MED12L: variants seen among roughly 807,000 people sequenced by gnomAD.
The protein encoded by MED12L is mediator complex subunit 12L, also known as mediator of RNA polymerase II transcription subunit 12-like protein.
In MED12L, 60 loss-of-function variants were observed where a neutral mutation model predicts 281.3. That is an observed-to-expected ratio of 0.21 (90% CI 0.17 to 0.26). The LOEUF (loss-of-function observed/expected upper bound fraction) is 0.26, where lower values mean the gene tolerates loss of function less well. MED12L is among the 10% of genes least tolerant of loss of function. The pLI is 1.00. For synonymous variants in MED12L, 974 were observed against 987.2 expected, an observed-to-expected ratio of 0.99 and a Z score of 0.25; for missense variants, 2,146 against 2,680.9, an observed-to-expected ratio of 0.80 and a Z score of 4.41.
intron 16 of MED12L, among the ~76,000 whole-genome samples, chr3:151,264,699 G>A (rs1466544156): frequency 6.6e-6 from 1 of 152,178 alleles, no homozygotes; most frequent in East Asian, 1.9e-4. Context: ...ACCCCAGCCA[G>A]CTGCAAGAAG....
intron 16 of MED12L, among the ~76,000 whole-genome samples, chr3:151,222,949 C>T (rs372415042): frequency 6.6e-6 from 1 of 152,088 alleles, no homozygotes; most frequent in African/African-American, 2.4e-5. Flanking sequence ...TTTATGGTCT[C>T]TTGGAAATGT....
At chr3:151,180,481 C>T (rs1397152185) in intron 11 of MED12L, among the ~76,000 whole-genome samples, 1 of 152,144 alleles carries the variant, frequency 6.6e-6, no homozygotes, top group Non-Finnish European at 1.5e-5. Context: ...TTTTTGTTTC[C>T]CCATGCCTAC....
intron 16 of MED12L, among the ~76,000 whole-genome samples, chr3:151,290,114 A>T (rs1006856084): frequency 1.7e-4 from 26 of 152,120 alleles, no homozygotes; most frequent in African/African-American, 6.3e-4. Context: ...GATGGTCTTG[A>T]ACTCCTGACC....
Position 151,388,168 on chromosome 3 carries a change from T to C in MED12L, c.5447T>C (p.Val1816Ala), listed in dbSNP as rs747480183. Residue 1816 changes from valine (V) to alanine (A), a missense_variant, in exon 37 of 45, where the codon GTT becomes GCT. Val to Ala is a moderately conservative substitution (Grantham distance 64). Around this residue, in one of 9 missense-constraint regions of MED12L, gnomAD observed 496 missense variants for 512.0 expected, o/e 0.97. Coordinates refer to ENST00000687756, the MANE Select transcript of MED12L (RefSeq NM_001393769.1). ...CGCAAGACGAAATCTAGCTCAAGAGTTGATGTAAGTGGGGAAAGGAAGGAG... is the reference window on the plus strand; with the variant it reads ...CGCAAGACGAAATCTAGCTCAAGAGCTGATGTAAGTGGGGAAAGGAAGGAG... ...RKRKTKSSSR[V>A]DEYPQSNIYR... is the part of the protein sequence containing the mutation. 2 of 1,593,286 alleles carry C rather than the reference T, an allele frequency of 1.3e-6. No homozygotes were observed. Among genetic ancestry groups the C allele is most frequent in the Middle Eastern group, 1.7e-4 (1 of 6,010 alleles).
intron 8 of MED12L, among the ~76,000 whole-genome samples, chr3:151,162,879 T>G (rs1367994917): frequency 6.6e-6 from 1 of 152,210 alleles, no homozygotes; most frequent in East Asian, 1.9e-4. Flanking sequence ...ACGGTGACCT[T>G]GAGCCTCTGT....
intron 16 of MED12L, among the ~76,000 whole-genome samples, chr3:151,348,659 A>G (rs1401068516): frequency 6.6e-6 from 1 of 151,978 alleles, no homozygotes; most frequent in Non-Finnish European, 1.5e-5. Context: ...GGCAGGGCAT[A>G]TAAATGTTTA....
intron 16 of MED12L, among the ~76,000 whole-genome samples, chr3:151,221,045 A>G (rs1318986188): frequency 6.6e-6 from 1 of 152,212 alleles, no homozygotes; most frequent in African/African-American, 2.4e-5. Flanking sequence ...TCTCAGATGG[A>G]AATGAGGAAC....
At chr3:151,320,879 T>A (rs1245809904) in intron 16 of MED12L, among the ~76,000 whole-genome samples, 4 of 152,346 alleles carry the variant, frequency 2.6e-5, no homozygotes, top group African/African-American at 7.2e-5. Flanking sequence ...CAGCTTTTTT[T>A]ACTTTGGGCA....
chr3:151,166,031 T>C (rs1356682656), intron 11 of MED12L, 49 bp downstream of exon 11: 1 of 1,520,218 alleles, frequency 6.6e-7, no homozygotes, highest in Admixed American at 1.9e-5. Context: ...TCATAGTGTT[T>C]TTTTCTTCTT....
intron 7 of MED12L, 126 bp from the exon 8 acceptor site, chr3:151,159,706 C>T (rs1417277350): frequency 3.6e-6 from 3 of 836,666 alleles, no homozygotes; most frequent in Non-Finnish European, 5.5e-6. Flanking sequence ...TTCTATTGGA[C>T]AGCACTTGCT....
intron 8 of MED12L, among the ~76,000 whole-genome samples, chr3:151,161,548 A>G (rs894615045): frequency 3.9e-5 from 6 of 152,214 alleles, no homozygotes; most frequent in Non-Finnish European, 8.8e-5. Context: ...TTGTTGCCCA[A>G]AGATGATGAG....
intron 16 of MED12L, chr3:151,212,376 A>G (rs1326184920): frequency 2.0e-5 from 3 of 152,184 alleles, no homozygotes; most frequent in Non-Finnish European, 4.4e-5. Flanking sequence ...GCACTCATTA[A>G]TGTAAATTTT....
intron 17 of MED12L, among the ~76,000 whole-genome samples, chr3:151,353,863 C>T (rs1000097247): frequency 2.0e-5 from 3 of 152,000 alleles, no homozygotes; most frequent in African/African-American, 7.3e-5. Flanking sequence ...CAGTGCTGGC[C>T]GGGCGCGGTG....
In MED12L at chr3:151,390,000, T is replaced by G; in HGVS notation, c.5473T>G (p.Tyr1825Asp). ...GAAGGAATATCCACAGAGCAACATA[T>G]ACCGAGTGCCTCCTAATTACTCGCC... The part of the protein sequence containing the change: ...RVDEYPQSNI[Y>D]RVPPNYSPIS... Residue 1825 changes from tyrosine (Y) to aspartate (D), a missense_variant, in exon 38 of 45, where the codon TAC becomes GAC. Transcript: ENST00000687756. 6.2e-7 allele frequency: 1 copy of G among 1,614,136 alleles called. No homozygotes were observed. The highest frequency in any genetic ancestry group is 8.5e-7 in the Non-Finnish European group (1 of 1,179,972).
intron 26 of MED12L, among the ~76,000 whole-genome samples, chr3:151,371,381 C>T (rs1279298929): frequency 6.6e-6 from 1 of 152,184 alleles, no homozygotes; most frequent in Non-Finnish European, 1.5e-5. Flanking sequence ...AGAATTTAGT[C>T]TTTTCTTTCA....
intron 16 of MED12L, among the ~76,000 whole-genome samples, chr3:151,349,808 C>T (rs753317203): frequency 2.6e-5 from 4 of 151,440 alleles, no homozygotes; most frequent in Non-Finnish European, 4.4e-5. Flanking sequence ...TTGTAGGGTA[C>T]GCCCACATCA....
At chr3:151,266,094 C>A (rs1157432397) in intron 16 of MED12L, among the ~76,000 whole-genome samples, 2 of 152,134 alleles carry the variant, frequency 1.3e-5, no homozygotes, top group African/African-American at 4.8e-5. Flanking sequence ...CCATCTTTCC[C>A]CTTTCAGTTC....
At chr3:151,086,204 G>A (rs1401478913) in intron 1 of MED12L, among the ~76,000 whole-genome samples, 1 of 152,184 alleles carries the variant, frequency 6.6e-6, no homozygotes, top group East Asian at 1.9e-4. Flanking sequence ...CCGTAGCTGC[G>A]GATGCGCCAC....
chr3:151,265,603 A>G (rs973535150), intron 16 of MED12L, among the ~76,000 whole-genome samples: 5 of 152,192 alleles, frequency 3.3e-5, no homozygotes, highest in African/African-American at 1.2e-4. Flanking sequence ...TAGGCAGTAT[A>G]CAGCAGGCTC....
Sources: allele counts gnomAD v4.1 joint callset (sites outside exome capture counted in the v4.1 genomes callset), GRCh38; gene constraint gnomAD v4.1.1; regional missense constraint gnomAD v4.1.1; transcripts MANE v1.5; gene names NCBI Gene and HGNC (gene_info 2026-07-23, HGNC 2026-07-21).